Variants in USP9X observed in about 807,000 individuals in gnomAD.
The protein encoded by USP9X is ubiquitin carboxyl-terminal hydrolase 9X.
Under a neutral mutation model 190.3 loss-of-function variants are expected in USP9X, and 7 were observed. The observed-to-expected ratio is 0.04, with a 90% CI of 0.02 to 0.07. The LOEUF (loss-of-function observed/expected upper bound fraction) is 0.07, where lower values mean the gene tolerates loss of function less well. Among genes scored for constraint, USP9X ranks in the 10% least tolerant of loss-of-function variants. USP9X has a pLI of 1.00. For synonymous variants in USP9X, 645 were observed against 659.5 expected (o/e 0.98, Z 0.34); for missense variants, 1,010 against 1,916.9 (o/e 0.53, Z 8.83).
Position 41,223,262 on chromosome X carries a change from C to G in USP9X, c.6611C>G (p.Thr2204Ser). The G allele has an allele frequency of 8.3e-7, 1 of 1,211,525 alleles. No individual in the cohort carries two copies. Among genetic ancestry groups the G allele is most frequent in the South Asian group, 1.8e-5 (1 of 56,983 alleles). ...TQLLKLSVPA[T>S]FMLVSLDEGP... ...CTTCTGAAATTGAGTGTACCTGCTA[C>G]TTTTATGCTTGTGTCTTTAGATGAA... Residue 2204 changes from threonine (T) to serine (S), a missense_variant, in exon 39 of 45, where the codon ACT becomes AGT. Physicochemically the swap from Thr to Ser is moderately conservative, Grantham distance 58 (BLOSUM62 1). Transcript: ENST00000378308.
At chrX:41,182,937 G>GTT (rs11324762) in intron 21 of USP9X, among the ~76,000 whole-genome samples, 8 of 95,657 alleles carry the variant, frequency 8.4e-5, no homozygotes, top group Admixed American at 1.2e-4. Flanking sequence ...GAAAATCATA[G>GTT]TTTTTTTTTT....
In USP9X at chrX:41,144,518, A is replaced by G. The variant is rs1057522024; in HGVS notation, c.1315-4A>G. The G allele has an allele frequency of 8.3e-7, 1 of 1,207,252 alleles. No individual in the cohort carries two copies. The highest frequency in any genetic ancestry group is 1.1e-6 in the Non-Finnish European group (1 of 892,072). ...ATTGTGATTTCGTTTTTGTTTTTCA[A>G]TAGGCAGGGAAACATGAAGCCATTG... On this transcript the variant is annotated splice_polypyrimidine_tract_variant and splice_region_variant and intron_variant, in intron 10 of 44. Coordinates refer to ENST00000378308, the MANE Select transcript of USP9X (RefSeq NM_001039591.3).
At chrX:41,222,545 G>A (rs1426374376) in intron 38 of USP9X, among the ~76,000 whole-genome samples, 2 of 111,784 alleles carry the variant, frequency 1.8e-5, no homozygotes, top group African/African-American at 6.5e-5. Flanking sequence ...CTCATTTAAT[G>A]TAGTTATTTT....
chrX:41,153,191 T>G (rs72624296), intron 14 of USP9X, 110 bp downstream of exon 14: 2 of 808,976 alleles, frequency 2.5e-6, no homozygotes, highest in East Asian at 7.4e-5. Flanking sequence ...GATCCACTAT[T>G]ACTCCCAACT....
Position 41,205,378 on chromosome X carries a change from G to A in USP9X, c.4900G>A (p.Glu1634Lys). 8.3e-7 allele frequency: 1 copy of A among 1,208,290 alleles called. No individual in the cohort carries two copies. The highest frequency in any genetic ancestry group is 1.1e-6 in the Non-Finnish European group (1 of 893,784). Residue 1634 changes from glutamate to lysine, a missense_variant, in exon 32 of 45, where the codon GAA (glutamate) becomes AAA (lysine). Glu to Lys is a moderately conservative substitution (Grantham distance 56, BLOSUM62 1). This residue lies in a region of USP9X where 120 missense variants were observed against 342.7 expected (regional missense o/e 0.35). Transcript: ENST00000378308. ...FEDKPALSKTEDRKEYNIGVL... is the reference protein window; with the variant it reads ...FEDKPALSKTKDRKEYNIGVL... ...AGATAAACCAGCATTAAGTAAAACTGAAGATAGAAAAGAGTACAACATTGG... is the reference window on the plus strand; with the variant it reads ...AGATAAACCAGCATTAAGTAAAACTAAAGATAGAAAAGAGTACAACATTGG...
In USP9X at chrX:41,168,213, G is replaced by A. The variant is rs1466713885; in HGVS notation, c.2631G>A (p.Met877Ile). Residue 877 changes from methionine to isoleucine, a missense_variant, in exon 18 of 45, where the codon ATG (methionine) becomes ATA (isoleucine). This residue lies in a region of USP9X where 351 missense variants were observed against 480.8 expected (regional missense o/e 0.73). Coordinates refer to ENST00000378308, the MANE Select transcript of USP9X (RefSeq NM_001039591.3). ...DYHEERTILP[M>I]SRAFRGKHLS... Reference sequence around the variant, plus strand: ...ATGAGGAAAGAACAATTCTCCCTATGTCGAGGTTTGTGAATAACTAATCTA... The same window carrying A: ...ATGAGGAAAGAACAATTCTCCCTATATCGAGGTTTGTGAATAACTAATCTA... 1 of 1,187,664 alleles carries A rather than the reference G, an allele frequency of 8.4e-7. No homozygotes were observed.
chrX:41,203,149 T>TA (rs2063058104), intron 31 of USP9X, among the ~76,000 whole-genome samples: 1 of 111,255 alleles, frequency 9.0e-6, no homozygotes, highest in Non-Finnish European at 1.9e-5. Flanking sequence ...GTCTTCATGT[T>TA]ACATCTTACA....
chrX:41,125,684 A>ACACACACACTCT lies in USP9X; in HGVS notation c.96+1961_96+1962insACACACACTCTC. On this transcript the variant is annotated intron_variant, in intron 2 of 44. Coordinates refer to ENST00000378308, the MANE Select transcript of USP9X (RefSeq NM_001039591.3). The stretch of plus-strand genomic sequence containing the variant: ...CACACACACACACACACACACACAC[A>ACACACACACTCT]CTCTCTCTCTCTCTCTCTCTCTCTC... 9.9e-3 allele frequency among the ~76,000 whole-genome samples: 188 copies of ACACACACACTCT among 18,993 alleles called. 1 individual carries two copies. Among genetic ancestry groups the ACACACACACTCT allele is most frequent in the Middle Eastern group, 0.067 (1 of 15 alleles). The allele number at this position is 18,993 out of a possible 115,157, so 16.5% of individuals were successfully genotyped here. A position where few individuals can be genotyped will look rare whatever the true frequency, so the allele number is the denominator to read the frequency against.
chrX:41,232,732 G>A lies in USP9X; in HGVS notation c.*208G>A, dbSNP rs1218592728. On this transcript the variant is annotated 3_prime_UTR_variant, in exon 45 of 45. Transcript: ENST00000378308. ...AAGTGTATAGTGTTTTGTAATAAAT[G>A]GCCTGATGCTAATGTGTAAATGGCA... is the stretch of plus-strand genomic sequence containing the variant. 4 of 383,122 alleles carry A rather than the reference G, an allele frequency of 1.0e-5. No homozygotes were observed. Among genetic ancestry groups the A allele is most frequent in the Non-Finnish European group, 1.8e-5 (4 of 226,393 alleles). The allele number at this position is 383,122 out of a possible 1,213,427, so 31.6% of individuals were successfully genotyped here.
chrX:41,232,439 A>G lies in USP9X; in HGVS notation c.7580A>G (p.Asn2527Ser). ...ACAGGCCCAGCAGCACATCACATGAACAACCCTCAGAGAACTGGCCAACGA... is the reference window on the plus strand; with the variant it reads ...ACAGGCCCAGCAGCACATCACATGAGCAACCCTCAGAGAACTGGCCAACGA... ...PYTGPAAHHM[N>S]NPQRTGQRAQ... The change falls in exon 45 of 45, where the codon AAC (asparagine) becomes AGC (serine). Residue 2527 changes from asparagine to serine, a missense_variant. Around this residue, in one of 11 missense-constraint regions of USP9X, gnomAD observed 48 missense variants for 60.4 expected, o/e 0.79. Transcript: ENST00000378308. 8.3e-7 allele frequency: 1 copy of G among 1,211,477 alleles called. No individual in the cohort carries two copies. The highest frequency in any genetic ancestry group is 1.8e-5 in the South Asian group (1 of 56,946).
chrX:41,123,343 C>G lies in USP9X; in HGVS notation c.-158-128C>G, dbSNP rs977568458. 15 of 261,878 alleles carry G rather than the reference C, an allele frequency of 5.7e-5. No individual in the cohort carries two copies. In the Admixed American group the frequency reaches 9.5e-4, roughly 17 times the overall value. The allele number at this position is 261,878 out of a possible 1,213,427, so 21.6% of individuals were successfully genotyped here. ...GTATTAATGAAACTTCAGCTTTTTA[C>G]TTTCTCTTCTTGTTTGTATAGCCCC... On this transcript the variant is annotated intron_variant, in intron 1 of 44. Transcript: ENST00000378308.
chrX:41,125,643 AACACACACACACAC>A (rs748348083), intron 2 of USP9X, among the ~76,000 whole-genome samples: 853 of 27,691 alleles, frequency 0.031, 50 homozygotes, highest in African/African-American at 0.12. Context: ...CCCTCCCGCC[AACACACACACACAC>A]ACACACACAC....
intron 2 of USP9X, among the ~76,000 whole-genome samples, chrX:41,127,331 C>T (rs1160541563): frequency 9.0e-6 from 1 of 111,437 alleles, no homozygotes; most frequent in Admixed American, 9.5e-5. Context: ...TGGAAAAGGA[C>T]AGAGACTTAT....
At chrX:41,124,477 TAG>T (rs1225340446) in intron 2 of USP9X, among the ~76,000 whole-genome samples, 1 of 111,750 alleles carries the variant, frequency 8.9e-6, no homozygotes, top group Non-Finnish European at 1.9e-5. Flanking sequence ...AGGTCTTGCA[TAG>T]TAACAAGAAA....
Position 41,186,650 on chromosome X carries a change from T to G in USP9X, c.3684+8T>G. On this transcript the variant is annotated splice_region_variant and intron_variant, in intron 24 of 44. Transcript: ENST00000378308. Reference sequence around the variant, plus strand: ...CAGCAGATATCTGATGAGGTTAGTTTTATCAAGACTTCTGTCACAATTTTA... The same window carrying G: ...CAGCAGATATCTGATGAGGTTAGTTGTATCAAGACTTCTGTCACAATTTTA... The G allele has an allele frequency of 8.3e-7, 1 of 1,209,183 alleles. No homozygotes were observed.
At position 41,236,335 on chromosome X, in the gene USP9X, C is replaced by T. The variant is rs936690965; in HGVS notation, c.*3811C>T. 1 of 111,866 alleles carries T rather than the reference C, an allele frequency of 8.9e-6. No individual in the cohort carries two copies. Among genetic ancestry groups the T allele is most frequent in the African/African-American group, 3.3e-5 (1 of 30,684 alleles). 9.2% of individuals were successfully genotyped at this position (111,866 alleles called of 1,213,427 possible). A position where few individuals can be genotyped will look rare whatever the true frequency, so the allele number is the denominator to read the frequency against. On this transcript the variant is annotated 3_prime_UTR_variant, in exon 45 of 45. Transcript: ENST00000378308. ...GATTGTATTTATAACAATTACTTGA[C>T]GTTTGCAGAAATTTAGCACTTTCCC...
At chrX:41,122,706 G>A (rs143493773) in intron 1 of USP9X, among the ~76,000 whole-genome samples, 141 of 112,154 alleles carry the variant, frequency 1.3e-3, no homozygotes, top group African/African-American at 4.3e-3. Flanking sequence ...AGGGCATCCC[G>A]AGTTCTTTTC....
chrX:41,189,188 T>G, intron 25 of USP9X, 121 bp from the exon 26 acceptor site: 1 of 606,721 alleles, frequency 1.6e-6, no homozygotes, highest in Non-Finnish European at 2.6e-6. Context: ...CATGCAGCCA[T>G]GGAGAGGCTG....
At chrX:41,098,424 G>A in intron 1 of USP9X, among the ~76,000 whole-genome samples, 1 of 111,289 alleles carries the variant, frequency 9.0e-6, no homozygotes, top group South Asian at 3.7e-4. Context: ...ACAGGCGTGA[G>A]CCACCGTGCC....
Sources: gnomAD v4.1 joint callset for allele counts (sites outside exome capture counted in the v4.1 genomes callset) on GRCh38, gnomAD v4.1.1 for gene constraint, gnomAD v4.1.1 regional missense constraint, MANE v1.5 for transcripts, NCBI Gene and HGNC (gene_info 2026-07-23, HGNC 2026-07-21) for gene names.